Variants in SPPL3 observed in about 807,000 individuals in gnomAD.
SPPL3 encodes the protein signal peptide peptidase-like 3.
A neutral mutation model predicts 42.4 loss-of-function variants in SPPL3; 5 were observed. The ratio of observed to expected loss-of-function variants is 0.12; its 90% CI spans 0.06 to 0.25. The LOEUF is 0.25. SPPL3 is among the 10% of genes least tolerant of loss of function. The pLI is 1.00. For missense variants in SPPL3, 235 were observed against 489.0 expected, an observed-to-expected ratio of 0.48 and a Z score of 4.90; for synonymous variants, 195 against 181.8, an observed-to-expected ratio of 1.07 and a Z score of -0.58.
At position 120,903,885 on chromosome 12, in the gene SPPL3, G is replaced by C. The variant is rs903143478; in HGVS notation, c.-18C>G. 10 of 1,435,482 alleles carry C rather than the reference G, an allele frequency of 7.0e-6. No homozygotes were observed. Among genetic ancestry groups the C allele is most frequent in the Admixed American group, 2.6e-5 (1 of 38,170 alleles). The allele number at this position is 1,435,482 out of a possible 1,614,324, so 88.9% of individuals were successfully genotyped here. ...TCCGCCATGGCGCTGCCTCTCGTGG[G>C]CTCCGCTGCAGGCTGTGGCCGGGCC... On this transcript the variant is annotated 5_prime_UTR_variant, in exon 1 of 11. Transcript: ENST00000353487.
At chr12:120,852,855 A>G (rs1419676932) in intron 1 of SPPL3, among the ~76,000 whole-genome samples, 2 of 136,154 alleles carry the variant, frequency 1.5e-5, no homozygotes, top group African/African-American at 5.2e-5. Context: ...TATGAAATAC[A>G]TATTTCATAT....
intron 1 of SPPL3, among the ~76,000 whole-genome samples, chr12:120,820,828 C>T (rs1275558638): frequency 6.6e-6 from 1 of 152,084 alleles, no homozygotes; most frequent in Non-Finnish European, 1.5e-5. Flanking sequence ...CGCAGTGGCT[C>T]ACGCCTGTAA....
intron 1 of SPPL3, among the ~76,000 whole-genome samples, chr12:120,899,596 A>C (rs535212362): frequency 1.4e-4 from 22 of 152,258 alleles, no homozygotes; most frequent in Middle Eastern, 6.8e-3. Context: ...GTAAGTATTA[A>C]AAATAAAAAG....
At chr12:120,803,134 T>C (rs1870377644) in intron 2 of SPPL3, among the ~76,000 whole-genome samples, 1 of 152,192 alleles carries the variant, frequency 6.6e-6, no homozygotes, top group African/African-American at 2.4e-5. Flanking sequence ...AAGCTGAGTT[T>C]TACATTCTTT....
At chr12:120,828,582 G>A (rs1295346749) in intron 1 of SPPL3, among the ~76,000 whole-genome samples, 3 of 152,018 alleles carry the variant, frequency 2.0e-5, no homozygotes, top group Admixed American at 2.0e-4. Flanking sequence ...AACAATCTTG[G>A]GGAAAAAAAG....
intron 1 of SPPL3, among the ~76,000 whole-genome samples, chr12:120,883,824 G>A (rs777754879): frequency 3.3e-5 from 5 of 152,082 alleles, no homozygotes; most frequent in East Asian, 1.9e-4. Context: ...GACGTAAGCC[G>A]GGCGTGGTGG....
At chr12:120,860,164 G>C (rs752976890) in intron 1 of SPPL3, among the ~76,000 whole-genome samples, 1 of 152,138 alleles carries the variant, frequency 6.6e-6, no homozygotes, top group Non-Finnish European at 1.5e-5. Flanking sequence ...GATCATGCCA[G>C]TGCACTTCCA....
At chr12:120,776,466 A>G (rs1386552899) in intron 6 of SPPL3, among the ~76,000 whole-genome samples, 1 of 152,006 alleles carries the variant, frequency 6.6e-6, no homozygotes, top group Non-Finnish European at 1.5e-5. Flanking sequence ...AGTCTGATAA[A>G]CCCATTCCAG....
chr12:120,791,070 T>C (rs1204870456), intron 3 of SPPL3, among the ~76,000 whole-genome samples: 2 of 152,024 alleles, frequency 1.3e-5, no homozygotes. Context: ...TCTGCCTACC[T>C]TGGCCTCCCA....
chr12:120,856,955 G>GGAT (rs1872480589), intron 1 of SPPL3, among the ~76,000 whole-genome samples: 1 of 152,132 alleles, frequency 6.6e-6, no homozygotes, highest in Admixed American at 6.5e-5. Context: ...CTGTACAAGG[G>GGAT]GATGGAGTGA....
At chr12:120,817,031 T>G (rs1870902265) in intron 1 of SPPL3, among the ~76,000 whole-genome samples, 1 of 152,054 alleles carries the variant, frequency 6.6e-6, no homozygotes, top group African/African-American at 2.4e-5. Flanking sequence ...GGCTCATGCC[T>G]GTAATTTTGA....
chr12:120,782,427 A>G (rs1187834836), intron 6 of SPPL3, among the ~76,000 whole-genome samples: 4 of 152,254 alleles, frequency 2.6e-5, no homozygotes, highest in African/African-American at 9.6e-5. Context: ...ATTTATGGAA[A>G]ATGTCCAGAA....
chr12:120,864,631 T>C (rs1270997302), intron 1 of SPPL3, among the ~76,000 whole-genome samples: 1 of 152,232 alleles, frequency 6.6e-6, no homozygotes, highest in Admixed American at 6.5e-5. Context: ...TTACAAAATC[T>C]GCCAAATACT....
Position 120,904,204 on chromosome 12 carries a change from G to T in SPPL3, c.-337C>A, listed in dbSNP as rs1306927017. ...CCCTGGGGCGGGCGAACGGCAAGAC[G>T]GGCCCGCGCTCACTGCGCGCGGGGC... On this transcript the variant is annotated 5_prime_UTR_variant, in exon 1 of 11. Coordinates refer to ENST00000353487, the MANE Select transcript of SPPL3 (RefSeq NM_139015.5). 8.4e-6 allele frequency: 2 copies of T among 237,450 alleles called. No homozygotes were observed. The highest frequency in any genetic ancestry group is 3.1e-4 in the South Asian group (2 of 6,432). 14.7% of individuals were successfully genotyped at this position (237,450 alleles called of 1,614,324 possible).
intron 1 of SPPL3, among the ~76,000 whole-genome samples, chr12:120,896,590 A>G (rs893783534): frequency 5.3e-5 from 8 of 152,130 alleles, no homozygotes; most frequent in Admixed American, 1.3e-4. Flanking sequence ...CCTGACCAAC[A>G]TGGTGAAATC....
chr12:120,809,691 A>G (rs1355967908), intron 2 of SPPL3, among the ~76,000 whole-genome samples: 1 of 152,102 alleles, frequency 6.6e-6, no homozygotes, highest in Non-Finnish European at 1.5e-5. Flanking sequence ...TTTCCCTCCT[A>G]TTCCTATGGC....
intron 1 of SPPL3, among the ~76,000 whole-genome samples, chr12:120,852,729 A>T (rs1441725223): frequency 0.59 from 31,157 of 52,588 alleles, 14,022 homozygotes; most frequent in Non-Finnish European, 0.82. Flanking sequence ...TTTATATATA[A>T]TATACATATA....
At chr12:120,775,303 A>G (rs1381226054) in intron 6 of SPPL3, among the ~76,000 whole-genome samples, 1 of 152,112 alleles carries the variant, frequency 6.6e-6, no homozygotes, top group African/African-American at 2.4e-5. Context: ...GGTGCATGCC[A>G]GCACACCTTG....
intron 6 of SPPL3, among the ~76,000 whole-genome samples, chr12:120,779,392 G>A (rs571126778): frequency 6.6e-6 from 1 of 152,312 alleles, no homozygotes; most frequent in East Asian, 1.9e-4. Flanking sequence ...TGTCTCCAAA[G>A]TCTGGAGTAG....
Sources: gnomAD v4.1 joint callset for allele counts (sites outside exome capture counted in the v4.1 genomes callset) on GRCh38, gnomAD v4.1.1 for gene constraint, MANE v1.5 for transcripts, NCBI Gene and HGNC (gene_info 2026-07-23, HGNC 2026-07-21) for gene names.